The following CHD2 variants were observed in gnomAD, a reference collection of about 807,000 sequenced individuals.
CHD2 encodes the protein ATP-dependent chromatin remodeler CHD2.
In CHD2, 28 loss-of-function variants were observed where a neutral mutation model predicts 243.9. The ratio of observed to expected loss-of-function variants is 0.11; its 90% CI spans 0.09 to 0.16. CHD2 has a LOEUF of 0.16. Among genes scored for constraint, CHD2 ranks in the 10% least tolerant of loss-of-function variants. CHD2 has a pLI of 1.00. For missense variants in CHD2, 1,386 were observed against 2,209.8 expected (o/e 0.63, Z 7.47); for synonymous variants, 775 against 779.0 (o/e 0.99, Z 0.09).
At position 93,025,870 on chromosome 15, in the gene CHD2, A is replaced by T. The variant is rs1281721617; in HGVS notation, c.*1165A>T. The T allele has an allele frequency of 1.3e-5, 2 of 152,248 alleles. No individual in the cohort carries two copies. Among genetic ancestry groups the T allele is most frequent in the Admixed American group, 6.5e-5 (1 of 15,290 alleles). The allele number at this position is 152,248 out of a possible 1,614,324, so 9.4% of individuals were successfully genotyped here. A position where few individuals can be genotyped will look rare whatever the true frequency, so the allele number is the denominator to read the frequency against. On this transcript the variant is annotated 3_prime_UTR_variant, in exon 39 of 39. Coordinates refer to ENST00000394196, the MANE Select transcript of CHD2 (RefSeq NM_001271.4). ...GAATCACACATCATGTGGTGGGCAG[A>T]TGGAAATAAGTACCTGTGGTGAACA...
chr15:92,922,263 G>GT (rs35610015), intron 2 of CHD2, among the ~76,000 whole-genome samples: 3 of 152,246 alleles, frequency 2.0e-5, no homozygotes, highest in African/African-American at 4.8e-5. Flanking sequence ...AAAGAGGTCA[G>GT]TTTTTTTCGT....
At chr15:92,952,690 C>G (rs1410637910) in intron 13 of CHD2, among the ~76,000 whole-genome samples, 2 of 152,254 alleles carry the variant, frequency 1.3e-5, no homozygotes, top group Admixed American at 6.5e-5. Context: ...CCGCTGCTCA[C>G]CTTCTGCTGT....
chr15:92,920,919 T>G (rs1222648928), intron 2 of CHD2, among the ~76,000 whole-genome samples: 1 of 152,210 alleles, frequency 6.6e-6, no homozygotes, highest in Non-Finnish European at 1.5e-5. Flanking sequence ...GCGGCCAGAT[T>G]ACTCGATAGT....
At chr15:93,019,907 T>G in intron 37 of CHD2, 105 bp from the exon 38 acceptor site, 1 of 1,382,040 alleles carries the variant, frequency 7.2e-7, no homozygotes, top group East Asian at 2.4e-5. Flanking sequence ...CACTCCAGCC[T>G]GGGCAAACAG....
intron 5 of CHD2, among the ~76,000 whole-genome samples, chr15:92,934,266 A>G (rs2053226275): frequency 6.6e-6 from 1 of 152,240 alleles, no homozygotes; most frequent in African/African-American, 2.4e-5. Flanking sequence ...CCTTTTCCCA[A>G]TAAAGGAAGA....
chr15:92,914,171 T>C (rs1317927780), intron 2 of CHD2, among the ~76,000 whole-genome samples: 1 of 152,238 alleles, frequency 6.6e-6, no homozygotes, highest in Non-Finnish European at 1.5e-5. Flanking sequence ...GGTCCATCTG[T>C]CCTTAGGGCT....
intron 2 of CHD2, chr15:92,904,897 C>T: frequency 6.5e-7 from 1 of 1,535,488 alleles, no homozygotes; most frequent in Non-Finnish European, 8.7e-7. Context: ...GTGTTAACAG[C>T]TGTTTAATAC....
At chr15:93,014,580 C>T (rs998211741) in intron 36 of CHD2, 116 bp from the exon 37 acceptor site, 17 of 865,586 alleles carry the variant, frequency 2.0e-5, no homozygotes, top group Non-Finnish European at 3.6e-6. Context: ...TAGTAAACGC[C>T]AGTTCAGAAG....
chr15:92,921,976 T>C (rs1484008979), intron 2 of CHD2, among the ~76,000 whole-genome samples: 1 of 152,242 alleles, frequency 6.6e-6, no homozygotes, highest in Non-Finnish European at 1.5e-5. Flanking sequence ...TCAGATGCTT[T>C]AGTCACCTGG....
In CHD2 at chr15:92,971,751, A is replaced by G; in HGVS notation, c.2190-14A>G. On this transcript the variant is annotated splice_polypyrimidine_tract_variant and intron_variant, in intron 17 of 38. Transcript: ENST00000394196. ...TTTTGTATCTAGTAGTATCATTATC[A>G]TTTTAATTTGCAGGTGGATTCTGAC... is the stretch of plus-strand genomic sequence containing the variant. The G allele has an allele frequency of 6.2e-7, 1 of 1,608,656 alleles. No homozygotes were observed. Among genetic ancestry groups the G allele is most frequent in the Non-Finnish European group, 8.5e-7 (1 of 1,177,930 alleles).
At chr15:92,916,024 A>G (rs983700127) in intron 2 of CHD2, among the ~76,000 whole-genome samples, 3 of 151,554 alleles carry the variant, frequency 2.0e-5, no homozygotes, top group African/African-American at 7.3e-5. Flanking sequence ...CTCTTCTCAC[A>G]TGGAACTTGT....
chr15:93,003,577 CTTT>C (rs777417349), intron 33 of CHD2, among the ~76,000 whole-genome samples: 2 of 128,376 alleles, frequency 1.6e-5, no homozygotes, highest in Admixed American at 7.8e-5. Flanking sequence ...CTTTAAGTGG[CTTT>C]TTTTTTTTTT....
In CHD2 at chr15:92,920,350, A is replaced by C. The variant is rs114193408; in HGVS notation, c.63-3971A>C. Among the ~76,000 whole-genome samples the C allele has an allele frequency of 7.3e-3, 1,116 of 152,378 alleles. 16 individuals are homozygous for C. Among genetic ancestry groups the C allele is most frequent in the African/African-American group, 0.026 (1,061 of 41,590 alleles). On this transcript the variant is annotated intron_variant, in intron 2 of 38. Transcript: ENST00000394196. The stretch of plus-strand genomic sequence containing the variant: ...CAGAGATATTTGCAACTTATTGATT[A>C]AGTGAAAAATCTGAAAATAACCTAA...
chr15:93,018,916 C>T (rs568122674), intron 37 of CHD2, among the ~76,000 whole-genome samples: 1 of 152,316 alleles, frequency 6.6e-6, no homozygotes, highest in Admixed American at 6.5e-5. Flanking sequence ...TAGGTAAAAT[C>T]ACACTCACAG....
intron 2 of CHD2, among the ~76,000 whole-genome samples, chr15:92,923,669 G>A (rs2053003392): frequency 1.3e-5 from 2 of 150,248 alleles, no homozygotes; most frequent in African/African-American, 2.4e-5. Flanking sequence ...AGGTTCAAGC[G>A]ATCCTTCTGC....
chr15:93,005,708 G>A (rs1331066736), intron 34 of CHD2, among the ~76,000 whole-genome samples: 2 of 152,036 alleles, frequency 1.3e-5, no homozygotes, highest in African/African-American at 4.8e-5. Context: ...GTTTTCTTAA[G>A]TCTCTTTTTT....
chr15:92,997,077 A>T lies in CHD2; in HGVS notation c.3716A>T (p.Asp1239Val). 1 of 1,608,026 alleles carries T rather than the reference A, an allele frequency of 6.2e-7. No individual in the cohort carries two copies. The highest frequency in any genetic ancestry group is 8.5e-7 in the Non-Finnish European group (1 of 1,178,544). ...ATGCTGCATAAATCTATCCCTGTGG[A>T]CCCTGAAGAAAAAAAAAAGTGAGTA... The part of the protein sequence containing the change: ...FEMLHKSIPV[D>V]PEEKKKYCLT... Residue 1239 changes from aspartate to valine, a missense_variant, in exon 29 of 39, where the codon GAC (aspartate) becomes GTC (valine). By Grantham distance (152) the Asp-to-Val change is radical (BLOSUM62 -3). Around this residue, in one of 19 missense-constraint regions of CHD2, gnomAD observed 99 missense variants for 176.9 expected, o/e 0.56. Coordinates refer to ENST00000394196, the MANE Select transcript of CHD2 (RefSeq NM_001271.4). This position sits in a 1 kb window ranked among gnomAD's most constrained non-coding sequence, Gnocchi z 4.1.
intron 35 of CHD2, among the ~76,000 whole-genome samples, chr15:93,009,779 C>T (rs1411270524): frequency 6.6e-6 from 1 of 152,156 alleles, no homozygotes; most frequent in Non-Finnish European, 1.5e-5. Context: ...TTCTCATATG[C>T]TTTTTTAGTA....
chr15:92,941,194 A>G (rs915237888), intron 7 of CHD2, among the ~76,000 whole-genome samples: 3 of 151,284 alleles, frequency 2.0e-5, no homozygotes, highest in African/African-American at 4.9e-5. Context: ...TACGGTCACC[A>G]TGTTGGCCAG....
Sources: allele counts gnomAD v4.1 joint callset (sites outside exome capture counted in the v4.1 genomes callset), GRCh38; gene constraint gnomAD v4.1.1; regional missense constraint gnomAD v4.1.1; non-coding constraint Gnocchi (gnomAD v3.1); transcripts MANE v1.5; gene names NCBI Gene and HGNC (gene_info 2026-07-23, HGNC 2026-07-21).